SCN11A: variants seen among roughly 807,000 people sequenced by gnomAD.
The protein encoded by SCN11A is sodium voltage-gated channel alpha subunit 11, also known as sodium channel protein type 11 subunit alpha.
Under a neutral mutation model 162.2 loss-of-function variants are expected in SCN11A, and 122 were observed. The ratio of observed to expected loss-of-function variants is 0.75; its 90% CI spans 0.65 to 0.87. The LOEUF is 0.87. SCN11A is among the 40% of genes least tolerant of loss of function. SCN11A has a pLI of 0.00. For synonymous variants in SCN11A, 758 were observed against 751.5 expected, an observed-to-expected ratio of 1.01 and a Z score of -0.14; for missense variants, 2,015 against 2,181.6, an observed-to-expected ratio of 0.92 and a Z score of 1.52.
rs1412265340 is a variant in SCN11A, at chr3:38,847,248, T to G, written c.4822A>C (p.Asn1608His). ...TCCTCACTTTCTTCAGTGGCTGTAT[T>G]GAAGTTCTCTAAAATCACAGCAATG... is the stretch of plus-strand genomic sequence containing the variant. Reference protein sequence around the residue: ...MYIAVILENFNTATEESEDPL... With the variant: ...MYIAVILENFHTATEESEDPL... The change falls in exon 30 of 30, where the codon AAT becomes CAT. Residue 1608 changes from asparagine (N) to histidine (H), a missense_variant. By Grantham distance (68) the Asn-to-His change is moderately conservative. Coordinates refer to ENST00000302328, the MANE Select transcript of SCN11A (RefSeq NM_001349253.2). The G allele has an allele frequency of 5.6e-6, 9 of 1,614,146 alleles. No individual in the cohort carries two copies. The highest frequency in any genetic ancestry group is 7.6e-6 in the Non-Finnish European group (9 of 1,180,002).
chr3:39,031,619 AGTACACAAC>A (rs2031754163), intron 2 of SCN11A, among the ~76,000 whole-genome samples: 1 of 152,184 alleles, frequency 6.6e-6, no homozygotes, highest in Non-Finnish European at 1.5e-5. Flanking sequence ...GGACAAAAAT[AGTACACAAC>A]TTTGAACTTA....
intron 2 of SCN11A, among the ~76,000 whole-genome samples, chr3:38,966,150 G>A (rs2125585320): frequency 6.6e-6 from 1 of 152,168 alleles, no homozygotes; most frequent in East Asian, 1.9e-4. Context: ...TTGCCATCAA[G>A]GCTGTTTGGC....
chr3:38,871,338 C>A, intron 25 of SCN11A, 107 bp downstream of exon 25: 1 of 1,127,042 alleles, frequency 8.9e-7, no homozygotes, highest in Admixed American at 2.7e-5. Flanking sequence ...TTAGGATTTG[C>A]TTCTATTATC....
At chr3:38,888,036 GT>G (rs1408599433) in intron 19 of SCN11A, among the ~76,000 whole-genome samples, 1 of 152,194 alleles carries the variant, frequency 6.6e-6, no homozygotes, top group East Asian at 1.9e-4. Flanking sequence ...AAGATAGCAG[GT>G]AATGGTGTCT....
chr3:38,880,064 A>T lies in SCN11A; in HGVS notation c.3279T>A (p.Thr1093=). ...QPKIQELLNC[T]DIIFTHIFIL... The stretch of plus-strand genomic sequence containing the variant: ...TAAAAATATGTGTAAAAATAATGTC[A>T]GTACAATTTAGTAATTCTTGGATTT... The change falls in exon 23 of 30, where the codon ACT becomes ACA. Residue 1093 remains threonine (T), a synonymous_variant. Coordinates refer to ENST00000302328, the MANE Select transcript of SCN11A (RefSeq NM_001349253.2). 1 of 1,610,302 alleles carries T rather than the reference A, an allele frequency of 6.2e-7. No homozygotes were observed. Among genetic ancestry groups the T allele is most frequent in the Non-Finnish European group, 8.5e-7 (1 of 1,177,010 alleles).
Position 38,879,965 on chromosome 3 carries a change from A to G in SCN11A, c.3378T>C (p.Asp1126=). ...KYFTSAWCCL[D]FIIVIVSVTT... is the part of the protein sequence containing the mutation. Reference sequence around the variant, plus strand: ...GTAAACTTACAATCACAATGATGAAATCAAGGCAGCACCAGGCACTGGTGA... The same window carrying G: ...GTAAACTTACAATCACAATGATGAAGTCAAGGCAGCACCAGGCACTGGTGA... The change falls in exon 23 of 30, where the codon GAT becomes GAC. Residue 1126 remains aspartate, a synonymous_variant. Transcript: ENST00000302328. 6.2e-7 allele frequency: 1 copy of G among 1,612,804 alleles called. No homozygotes were observed. Among genetic ancestry groups the G allele is most frequent in the Non-Finnish European group, 8.5e-7 (1 of 1,179,316 alleles).
At chr3:38,916,840 T>C (rs1430024177) in intron 11 of SCN11A, among the ~76,000 whole-genome samples, 1 of 152,106 alleles carries the variant, frequency 6.6e-6, no homozygotes, top group African/African-American at 2.4e-5. Flanking sequence ...GACTGGAGGG[T>C]GAAGACTAGC....
chr3:38,950,446 A>G lies in SCN11A; in HGVS notation c.-7-77T>C, dbSNP rs1309486873. 6.9e-6 allele frequency: 10 copies of G among 1,444,358 alleles called. No homozygotes were observed. In the East Asian group the frequency reaches 2.0e-4, roughly 30 times the overall value. The allele number at this position is 1,444,358 out of a possible 1,614,324, so 89.5% of individuals were successfully genotyped here. The stretch of plus-strand genomic sequence containing the variant: ...ATAAAACAGCCTGCCCTAGGATTCC[A>G]GTCTTAAAGGATGGTGTCATAAGGA... On this transcript the variant is annotated intron_variant, in intron 4 of 29. Coordinates refer to ENST00000302328, the MANE Select transcript of SCN11A (RefSeq NM_001349253.2).
chr3:38,918,234 A>T (rs1363065639), intron 11 of SCN11A, among the ~76,000 whole-genome samples: 6 of 152,108 alleles, frequency 3.9e-5, no homozygotes, highest in African/African-American at 1.4e-4. Flanking sequence ...GTGAGGGGTA[A>T]AAGAAGTGCT....
In SCN11A at chr3:38,863,301, T is replaced by C. The variant is rs1288853770; in HGVS notation, c.3952-2A>G. 9 of 1,491,108 alleles carry C rather than the reference T, an allele frequency of 6.0e-6. No individual in the cohort carries two copies. Among genetic ancestry groups the C allele is most frequent in the Non-Finnish European group, 8.4e-6 (9 of 1,071,178 alleles). 92.4% of individuals were successfully genotyped at this position (1,491,108 alleles called of 1,614,324 possible). On this transcript the variant is annotated splice_acceptor_variant, in intron 27 of 29. Coordinates refer to ENST00000302328, the MANE Select transcript of SCN11A (RefSeq NM_001349253.2). LOFTEE classifies it high-confidence loss of function. ...CATAAAAATGTCTTGGCCACCTAAGTATATGGAGAAGATAAGAGCTAATTA... is the reference window on the plus strand; with the variant it reads ...CATAAAAATGTCTTGGCCACCTAAGCATATGGAGAAGATAAGAGCTAATTA...
At chr3:38,888,985 A>C (rs753117056) in intron 19 of SCN11A, among the ~76,000 whole-genome samples, 3 of 152,184 alleles carry the variant, frequency 2.0e-5, no homozygotes, top group Admixed American at 6.5e-5. Context: ...CTTATTCCCC[A>C]AAAACTACTG....
chr3:38,998,265 A>G (rs2030703969), intron 2 of SCN11A, among the ~76,000 whole-genome samples: 1 of 152,336 alleles, frequency 6.6e-6, no homozygotes, highest in Non-Finnish European at 1.5e-5. Flanking sequence ...TTTATGAGCC[A>G]TCCCAGCATT....
chr3:39,032,647 T>A (rs1004391546), intron 1 of SCN11A, among the ~76,000 whole-genome samples, 144 bp from the exon 2 acceptor site: 1 of 152,314 alleles, frequency 6.6e-6, no homozygotes, highest in South Asian at 2.1e-4. Context: ...GAGCCTGTAT[T>A]ACATAAAACT....
chr3:38,886,137 C>T lies in SCN11A; in HGVS notation c.2937G>A (p.Gln979=), dbSNP rs1231569540. ...CTAGGAAAATTACCTTTCGGGGATC[C>T]TGTATGGTCAGATGAGGCTCATCTT... The part of the protein sequence containing the change: ...FSEDEPHLTI[Q]DPRKKSDVTS... Residue 979 remains glutamine, a synonymous_variant, in exon 20 of 30, where the codon CAG becomes CAA. Coordinates refer to ENST00000302328, the MANE Select transcript of SCN11A (RefSeq NM_001349253.2). 1.2e-6 allele frequency: 2 copies of T among 1,609,658 alleles called. No homozygotes were observed. The highest frequency in any genetic ancestry group is 1.7e-6 in the Non-Finnish European group (2 of 1,176,984).
At chr3:38,899,801 A>C (rs777353934) in intron 17 of SCN11A, 93 bp downstream of exon 17, 26 of 976,398 alleles carry the variant, frequency 2.7e-5, no homozygotes, top group Non-Finnish European at 3.8e-5. Context: ...AAGATAAATT[A>C]AAGTTTAGTA....
intron 7 of SCN11A, among the ~76,000 whole-genome samples, chr3:38,940,551 G>A (rs1156484751): frequency 2.0e-5 from 3 of 152,230 alleles, no homozygotes; most frequent in Non-Finnish European, 2.9e-5. Context: ...TTTCACATCA[G>A]AGGATAAGAG....
chr3:38,920,316 T>C (rs1397741165), intron 10 of SCN11A, among the ~76,000 whole-genome samples: 1 of 152,066 alleles, frequency 6.6e-6, no homozygotes, highest in Non-Finnish European at 1.5e-5. Context: ...ATGAGAGACA[T>C]CAAGAGAGTG....
intron 2 of SCN11A, among the ~76,000 whole-genome samples, chr3:39,019,590 A>AT (rs1490144690): frequency 6.6e-6 from 1 of 151,860 alleles, no homozygotes; most frequent in Non-Finnish European, 1.5e-5. Context: ...TGTTTGGTCT[A>AT]TTTTTTCATT....
At chr3:38,912,911 G>A (rs147525963) in intron 11 of SCN11A, among the ~76,000 whole-genome samples, 183 of 152,228 alleles carry the variant, frequency 1.2e-3, no homozygotes, top group Non-Finnish European at 2.3e-3. Flanking sequence ...CCATGTCTTT[G>A]CTATAGTGAA....
Sources: allele counts gnomAD v4.1 joint callset (sites outside exome capture counted in the v4.1 genomes callset), GRCh38; gene constraint gnomAD v4.1.1; transcripts MANE v1.5; gene names NCBI Gene and HGNC (gene_info 2026-07-23, HGNC 2026-07-21).